The following ANO5 variants were observed in gnomAD, a reference collection of about 807,000 sequenced individuals.
ANO5 encodes the protein anoctamin 5.
A neutral mutation model predicts 121.0 loss-of-function variants in ANO5; 109 were observed. The ratio of observed to expected loss-of-function variants is 0.90; its 90% CI spans 0.77 to 1.06. ANO5 has a LOEUF of 1.06. ANO5 is among the 50% of genes least tolerant of loss of function. The probability of loss-of-function intolerance (pLI) is 0.00; values close to 1 mark genes in which losing one functional copy is unlikely to be tolerated. For synonymous variants in ANO5, 406 were observed against 359.9 expected, an observed-to-expected ratio of 1.13 and a Z score of -1.45; for missense variants, 1,064 against 1,078.5, an observed-to-expected ratio of 0.99 and a Z score of 0.19.
chr11:22,224,423 T>G (rs1406161719), intron 5 of ANO5, among the ~76,000 whole-genome samples: 3 of 152,058 alleles, frequency 2.0e-5, no homozygotes, highest in Admixed American at 6.6e-5. Flanking sequence ...TTTAAATCTA[T>G]GAATTTAAAA....
At chr11:22,267,523 TA>T (rs1491323687) in intron 17 of ANO5, among the ~76,000 whole-genome samples, 2 of 149,804 alleles carry the variant, frequency 1.3e-5, no homozygotes, top group African/African-American at 5.0e-5. Flanking sequence ...TATATATATA[TA>T]AAATCTATCT....
rs2133675185 is a variant in ANO5 at position 22,242,142 on chromosome 11, G to GGAATCCGT, written c.878+2459_878+2466dup. ...TATCCCAGCACCATTTATTGAATAC[G>GGAATCCGT]GAATCCGTTCCCCATTGCTTGTTTT... On this transcript the variant is annotated intron_variant, in intron 9 of 21. Coordinates refer to ENST00000324559, the MANE Select transcript of ANO5 (RefSeq NM_213599.3). Among the ~76,000 whole-genome samples, 2 of 152,148 alleles carry GGAATCCGT rather than the reference G, an allele frequency of 1.3e-5. 1 individual carries two copies. The highest frequency in any genetic ancestry group is 1.3e-4 in the Admixed American group (2 of 15,268).
chr11:22,205,210 G>A (rs1053084695), intron 2 of ANO5, among the ~76,000 whole-genome samples: 1 of 152,060 alleles, frequency 6.6e-6, no homozygotes, highest in African/African-American at 2.4e-5. Context: ...ATGGAGGGTG[G>A]GAGGAGGGAG....
chr11:22,279,587 C>G lies in ANO5; in HGVS notation c.2564C>G (p.Pro855Arg). Residue 855 changes from proline (P) to arginine (R), a missense_variant, in exon 22 of 22, where the codon CCT (proline) becomes CGT (arginine). Transcript: ENST00000324559. ...LVKFLLAWMI[P>R]DVPKDVVERI... ...AAATTTTTGCTGGCCTGGATGATAC[C>G]TGATGTTCCAAAAGATGTTGTGGAG... 1 of 1,612,760 alleles carries G rather than the reference C, an allele frequency of 6.2e-7. No individual in the cohort carries two copies. Among genetic ancestry groups the G allele is most frequent in the Non-Finnish European group, 8.5e-7 (1 of 1,179,114 alleles).
At chr11:22,272,537 A>G (rs1213841923) in intron 18 of ANO5, among the ~76,000 whole-genome samples, 2 of 152,216 alleles carry the variant, frequency 1.3e-5, no homozygotes, top group Non-Finnish European at 2.9e-5. Flanking sequence ...TGTAACAAGC[A>G]TATCTCTAAA....
rs1323516065 is a variant in ANO5 at position 22,227,489 on chromosome 11, C to T, written c.551C>T (p.Pro184Leu). ...CCACTGAGTGTGAAGTATCCCCATC[C>T]TGAATATTTTACTGCACAATTCAGC... is the stretch of plus-strand genomic sequence containing the variant. ...RLPLSVKYPH[P>L]EYFTAQFSRH... Residue 184 changes from proline to leucine, a missense_variant, in exon 7 of 22, where the codon CCT becomes CTT. By Grantham distance (98) the Pro-to-Leu change is moderately conservative. Transcript: ENST00000324559. 1.2e-6 allele frequency: 2 copies of T among 1,613,470 alleles called. No homozygotes were observed. Among genetic ancestry groups the T allele is most frequent in the African/African-American group, 1.3e-5 (1 of 74,836 alleles).
chr11:22,220,450 AGT>A (rs1201762945), intron 4 of ANO5, among the ~76,000 whole-genome samples: 4 of 151,378 alleles, frequency 2.6e-5, no homozygotes, highest in African/African-American at 9.7e-5. Flanking sequence ...GAACTTGTTA[AGT>A]GTAATTATTA....
chr11:22,224,082 C>A (rs1471362163), intron 5 of ANO5, among the ~76,000 whole-genome samples: 1 of 151,878 alleles, frequency 6.6e-6, no homozygotes, highest in African/African-American at 2.4e-5. Flanking sequence ...TCCACATTAT[C>A]TTAGTTTTTT....
At chr11:22,229,111 T>TACAC (rs1277123250) in intron 7 of ANO5, among the ~76,000 whole-genome samples, 1 of 151,938 alleles carries the variant, frequency 6.6e-6, no homozygotes, top group Non-Finnish European at 1.5e-5. Flanking sequence ...TGTGTAAGAC[T>TACAC]ACACACTCTC....
intron 4 of ANO5, 34 bp downstream of exon 4, chr11:22,218,321 C>T: frequency 6.2e-7 from 1 of 1,611,390 alleles, no homozygotes; most frequent in African/African-American, 1.3e-5. Flanking sequence ...TGCTTATGCT[C>T]TGAATGGCTG....
At chr11:22,242,291 G>A (rs547894482) in intron 9 of ANO5, among the ~76,000 whole-genome samples, 7 of 152,212 alleles carry the variant, frequency 4.6e-5, no homozygotes, top group African/African-American at 1.7e-4. Context: ...TAGCCTTATA[G>A]CATAGTTTGA....
At chr11:22,270,254 C>G in intron 17 of ANO5, 58 bp from the exon 18 acceptor site, 2 of 1,596,216 alleles carry the variant, frequency 1.3e-6, no homozygotes, top group Non-Finnish European at 1.7e-6. Flanking sequence ...CACTCTGATT[C>G]TCTGATCGCT....
In ANO5 at chr11:22,239,609, A is replaced by G. The variant is rs769560800; in HGVS notation, c.803A>G (p.Asn268Ser). The change falls in exon 9 of 22, where the codon AAT becomes AGT. Residue 268 changes from asparagine to serine, a missense_variant. By Grantham distance (46) the Asn-to-Ser change is conservative (BLOSUM62 1). Transcript: ENST00000324559. Reference protein sequence around the residue: ...WKPSEPPNPTNERYTLHQNWA... With the variant: ...WKPSEPPNPTSERYTLHQNWA... ...CCATCAGAACCTCCCAATCCTACCAATGAAAGATACACACTTCACCAGAAT... is the reference window on the plus strand; with the variant it reads ...CCATCAGAACCTCCCAATCCTACCAGTGAAAGATACACACTTCACCAGAAT... 131 of 1,612,798 alleles carry G rather than the reference A, an allele frequency of 8.1e-5. No individual in the cohort carries two copies. Among genetic ancestry groups the G allele is most frequent in the Non-Finnish European group, 9.6e-5 (113 of 1,179,160 alleles).
chr11:22,270,230 G>A (rs1024583875), intron 17 of ANO5, 82 bp from the exon 18 acceptor site: 5 of 1,543,278 alleles, frequency 3.2e-6, no homozygotes, highest in Admixed American at 3.5e-5. Context: ...ATTTCTGCCA[G>A]TTTCCAGATC....
At chr11:22,245,891 G>C (rs1390724763) in intron 9 of ANO5, among the ~76,000 whole-genome samples, 3 of 152,132 alleles carry the variant, frequency 2.0e-5, no homozygotes, top group African/African-American at 7.2e-5. Flanking sequence ...CACTCAAAAA[G>C]TTTCAGATTT....
intron 1 of ANO5, among the ~76,000 whole-genome samples, chr11:22,196,562 T>C (rs1851818979): frequency 6.6e-6 from 1 of 151,818 alleles, no homozygotes; most frequent in East Asian, 1.9e-4. Context: ...CCAGATATAT[T>C]TTCTCTTGGA....
At chr11:22,211,616 G>A (rs1852279346) in intron 3 of ANO5, among the ~76,000 whole-genome samples, 1 of 151,742 alleles carries the variant, frequency 6.6e-6, no homozygotes, top group Non-Finnish European at 1.5e-5. Flanking sequence ...TATGTTTAAG[G>A]GGTTGATGCT....
chr11:22,208,113 T>C (rs1246266257), intron 2 of ANO5, among the ~76,000 whole-genome samples: 1 of 152,068 alleles, frequency 6.6e-6, no homozygotes, highest in East Asian at 1.9e-4. Flanking sequence ...TCTGGAAAAC[T>C]GTTGGGCAGT....
At position 22,276,142 on chromosome 11, in the gene ANO5, T is replaced by A; in HGVS notation, c.2463T>A (p.His821Gln). The change falls in exon 21 of 22, where the codon CAT (histidine) becomes CAA (glutamine). Residue 821 changes from histidine to glutamine, a missense_variant. His to Gln is a conservative substitution (Grantham distance 24). Transcript: ENST00000324559. ...CTGATGACGAGAATAAATATTTTCA[T>A]AATATGCAATTCTGGCATGTCCTTG... ...YPPDDENKYF[H>Q]NMQFWHVLAA... 6.2e-7 allele frequency: 1 copy of A among 1,611,636 alleles called. No homozygotes were observed. Among genetic ancestry groups the A allele is most frequent in the African/African-American group, 1.3e-5 (1 of 74,934 alleles).
Sources: gnomAD v4.1 joint callset for allele counts (sites outside exome capture counted in the v4.1 genomes callset) on GRCh38, gnomAD v4.1.1 for gene constraint, MANE v1.5 for transcripts, NCBI Gene and HGNC (gene_info 2026-07-23, HGNC 2026-07-21) for gene names.